SBF2: variants seen among roughly 807,000 people sequenced by gnomAD.
SBF2 encodes SET binding factor 2.
SBF2 carries 112 observed loss-of-function variants against 225.2 expected under a neutral mutation model. That is an observed-to-expected ratio of 0.50 (90% CI 0.43 to 0.58). SBF2 has a LOEUF of 0.58. Ranked by LOEUF, SBF2 falls within the 20% of genes least tolerant of loss-of-function variation. The pLI, the probability that SBF2 is intolerant of heterozygous loss-of-function variation, is 0.00. For synonymous variants in SBF2, 763 were observed against 773.3 expected (o/e 0.99, Z 0.22); for missense variants, 1,996 against 2,206.2 (o/e 0.90, Z 1.91).
At chr11:10,044,083 A>G (rs1565167493) in intron 2 of SBF2, among the ~76,000 whole-genome samples, 1 of 152,216 alleles carries the variant, frequency 6.6e-6, no homozygotes. Flanking sequence ...ACCTTTGGAA[A>G]CTAGAAAAGA....
chr11:9,887,255 A>T (rs1016811176), intron 17 of SBF2, among the ~76,000 whole-genome samples: 10 of 151,870 alleles, frequency 6.6e-5, no homozygotes, highest in African/African-American at 2.4e-4. Context: ...TAATAAGATT[A>T]AAAATACTGT....
intron 13 of SBF2, among the ~76,000 whole-genome samples, chr11:9,972,036 A>G (rs947240973): frequency 1.3e-5 from 2 of 152,206 alleles, no homozygotes; most frequent in Non-Finnish European, 2.9e-5. Flanking sequence ...AATGAGAGGT[A>G]GTATAACAAA....
At chr11:10,057,360 T>G (rs775592963) in intron 2 of SBF2, among the ~76,000 whole-genome samples, 1 of 152,180 alleles carries the variant, frequency 6.6e-6, no homozygotes, top group Non-Finnish European at 1.5e-5. Flanking sequence ...TTGTCACCCT[T>G]GGACTAACAA....
At chr11:9,837,624 T>C (rs1054743571) in intron 26 of SBF2, among the ~76,000 whole-genome samples, 15 of 152,360 alleles carry the variant, frequency 9.8e-5, no homozygotes, top group African/African-American at 3.4e-4. Flanking sequence ...TACTTTGATA[T>C]TCATATAGTG....
At position 9,880,403 on chromosome 11, in the gene SBF2, G is replaced by A. The variant is rs1295023629; in HGVS notation, c.1929+15540C>T. The stretch of plus-strand genomic sequence containing the variant: ...GTGGTAGCAATGTTCCTACATCCCT[G>A]TATGGCAACAACTGCTGAAGCTAAG... On this transcript the variant is annotated intron_variant, in intron 17 of 39. Coordinates refer to ENST00000256190, the MANE Select transcript of SBF2 (RefSeq NM_030962.4). Among the ~76,000 whole-genome samples, 5 of 152,226 alleles carry A rather than the reference G, an allele frequency of 3.3e-5. No individual in the cohort carries two copies. The East Asian group carries it at 9.6e-4, about 29-fold the overall frequency.
intron 13 of SBF2, among the ~76,000 whole-genome samples, chr11:9,983,709 C>CTGGT (rs1311692689): frequency 6.6e-6 from 1 of 152,208 alleles, no homozygotes; most frequent in Admixed American, 6.5e-5. Context: ...GGAACAGGCA[C>CTGGT]TGGTATCCAC....
intron 1 of SBF2, among the ~76,000 whole-genome samples, chr11:10,234,421 TAAC>T (rs1334395510): frequency 1.3e-5 from 2 of 152,248 alleles, no homozygotes; most frequent in African/African-American, 4.8e-5. Flanking sequence ...CATTTTGTGA[TAAC>T]AATTTTAATT....
At chr11:10,037,944 A>C (rs1400353525) in intron 3 of SBF2, among the ~76,000 whole-genome samples, 1 of 151,992 alleles carries the variant, frequency 6.6e-6, no homozygotes, top group Non-Finnish European at 1.5e-5. Context: ...TAATTATATG[A>C]TACTATGTTT....
At chr11:10,145,621 T>TTA (rs1302459342) in intron 2 of SBF2, among the ~76,000 whole-genome samples, 4 of 152,186 alleles carry the variant, frequency 2.6e-5, no homozygotes, top group Non-Finnish European at 5.9e-5. Context: ...TCTTAGTATT[T>TTA]TATAGTTATT....
chr11:10,021,517 G>A (rs957635452), intron 6 of SBF2, among the ~76,000 whole-genome samples: 4 of 152,104 alleles, frequency 2.6e-5, no homozygotes, highest in African/African-American at 9.7e-5. Flanking sequence ...CGATCAAGAG[G>A]AAATTGTAGG....
At position 9,839,537 on chromosome 11, in the gene SBF2, C is replaced by A. The variant is rs777356464; in HGVS notation, c.3416G>T (p.Arg1139Ile). The A allele has an allele frequency of 6.2e-7, 1 of 1,614,176 alleles. No individual in the cohort carries two copies. The highest frequency in any genetic ancestry group is 8.5e-7 in the Non-Finnish European group (1 of 1,180,034). ...ATACATCCTGTTGGAGGCAGTAATTCTAAAATACTCGGGTCTTGAACGGGA... is the reference window on the plus strand; with the variant it reads ...ATACATCCTGTTGGAGGCAGTAATTATAAAATACTCGGGTCTTGAACGGGA... ...SSSRSRPEYF[R>I]ITASNRMYSL... Residue 1139 changes from arginine to isoleucine, a missense_variant, in exon 26 of 40, where the codon AGA becomes ATA. Physicochemically the swap from Arg to Ile is moderately conservative, Grantham distance 97. Transcript: ENST00000256190.
At chr11:9,807,494 T>G (rs183752724) in intron 32 of SBF2, among the ~76,000 whole-genome samples, 2 of 152,332 alleles carry the variant, frequency 1.3e-5, no homozygotes, top group Admixed American at 6.5e-5. Context: ...TATGGCTGCA[T>G]AGTATTCCAT....
chr11:10,247,405 G>A lies in SBF2; in HGVS notation c.55+46610C>T, dbSNP rs528980630. The stretch of plus-strand genomic sequence containing the variant: ...GAATTTAAAACAACAATCAGGCTGG[G>A]CATAGTGGCTCATACCTGTAATGCC... On this transcript the variant is annotated intron_variant, in intron 1 of 39. Coordinates refer to ENST00000256190, the MANE Select transcript of SBF2 (RefSeq NM_030962.4). 7.9e-5 allele frequency among the ~76,000 whole-genome samples: 12 copies of A among 152,122 alleles called. No individual in the cohort carries two copies. In the East Asian group the frequency reaches 2.3e-3, roughly 29 times the overall value.
intron 2 of SBF2, among the ~76,000 whole-genome samples, chr11:10,077,046 C>T (rs1054529467): frequency 2.6e-5 from 4 of 152,142 alleles, no homozygotes; most frequent in African/African-American, 4.8e-5. Flanking sequence ...AGCTGGATCT[C>T]GCATGCTAGC....
intron 16 of SBF2, among the ~76,000 whole-genome samples, chr11:9,906,577 G>A (rs1234782662): frequency 6.6e-6 from 1 of 152,152 alleles, no homozygotes; most frequent in Admixed American, 6.5e-5. Context: ...TGCAAATCAC[G>A]TTAGAGACAT....
intron 2 of SBF2, among the ~76,000 whole-genome samples, chr11:10,102,343 T>C (rs572909080): frequency 7.9e-5 from 12 of 152,346 alleles, no homozygotes; most frequent in African/African-American, 2.9e-4. Flanking sequence ...TAGTACATAA[T>C]TAAAATCACT....
At chr11:10,093,480 G>C (rs1336884927) in intron 2 of SBF2, among the ~76,000 whole-genome samples, 1 of 151,384 alleles carries the variant, frequency 6.6e-6, no homozygotes, top group Non-Finnish European at 1.5e-5. Flanking sequence ...TAATTATACA[G>C]ATAATTTATC....
chr11:9,880,558 A>C (rs919537250), intron 17 of SBF2, among the ~76,000 whole-genome samples: 5 of 152,070 alleles, frequency 3.3e-5, no homozygotes, highest in African/African-American at 7.2e-5. Flanking sequence ...AAGTACCCTC[A>C]TCAGTGCTTG....
chr11:9,870,136 A>G (rs1858603219), intron 17 of SBF2, among the ~76,000 whole-genome samples: 1 of 152,208 alleles, frequency 6.6e-6, no homozygotes, highest in Non-Finnish European at 1.5e-5. Context: ...ACCTAGGAAT[A>G]AAGCTAACAA....
Sources: gnomAD v4.1 joint callset for allele counts (sites outside exome capture counted in the v4.1 genomes callset) on GRCh38, gnomAD v4.1.1 for gene constraint, MANE v1.5 for transcripts, NCBI Gene and HGNC (gene_info 2026-07-23, HGNC 2026-07-21) for gene names.